AUH: variants seen among roughly 807,000 people sequenced by gnomAD.
The protein encoded by AUH is AU RNA binding methylglutaconyl-CoA hydratase, also known as methylglutaconyl-CoA hydratase, mitochondrial.
In AUH, 29 loss-of-function variants were observed where a neutral mutation model predicts 42.3. That is an observed-to-expected ratio of 0.69 (90% confidence interval 0.51 to 0.93). The LOEUF is 0.93. Among genes scored for constraint, AUH ranks in the 40% least tolerant of loss-of-function variants. AUH has a pLI of 0.00. For synonymous variants in AUH, 174 were observed against 166.4 expected, an observed-to-expected ratio of 1.05 and a Z score of -0.35; for missense variants, 452 against 438.1, an observed-to-expected ratio of 1.03 and a Z score of -0.28.
chr9:91,356,510 A>G (rs939845900), intron 1 of AUH, among the ~76,000 whole-genome samples: 3 of 152,138 alleles, frequency 2.0e-5, no homozygotes, highest in Admixed American at 6.5e-5. Context: ...CCAGTTGTTA[A>G]TATCTCCATT....
At chr9:91,333,110 T>C (rs1830449588) in intron 3 of AUH, among the ~76,000 whole-genome samples, 1 of 152,204 alleles carries the variant, frequency 6.6e-6, no homozygotes, top group Non-Finnish European at 1.5e-5. Flanking sequence ...GGAGGGGGTA[T>C]TACAAGAGAT....
intron 3 of AUH, among the ~76,000 whole-genome samples, chr9:91,341,571 A>G (rs1016903678): frequency 1.3e-5 from 2 of 152,246 alleles, no homozygotes; most frequent in Admixed American, 6.5e-5. Flanking sequence ...CCACCTACGC[A>G]TGCTCTGTAT....
chr9:91,259,531 G>GT (rs2131433315), intron 6 of AUH, among the ~76,000 whole-genome samples: 1 of 151,834 alleles, frequency 6.6e-6, no homozygotes, highest in African/African-American at 2.4e-5. Context: ...TAAGGTAAAA[G>GT]TTTAGATCAC....
At chr9:91,260,859 T>G (rs1340561819) in intron 6 of AUH, among the ~76,000 whole-genome samples, 1 of 152,220 alleles carries the variant, frequency 6.6e-6, no homozygotes, top group African/African-American at 2.4e-5. Context: ...TGTCTATTTC[T>G]GTGTCTTCAG....
intron 3 of AUH, among the ~76,000 whole-genome samples, chr9:91,352,249 T>C (rs1289756240): frequency 6.6e-6 from 1 of 152,102 alleles, no homozygotes; most frequent in Non-Finnish European, 1.5e-5. Flanking sequence ...CACTCCTGCA[T>C]GGGTGACAGG....
chr9:91,246,931 G>A (rs1295825557), intron 6 of AUH, among the ~76,000 whole-genome samples: 1 of 152,242 alleles, frequency 6.6e-6, no homozygotes, highest in Admixed American at 6.5e-5. Flanking sequence ...AGCCATGCCA[G>A]CAGCGGAGCC....
chr9:91,218,840 A>T (rs748614183), intron 7 of AUH: 52 of 985,442 alleles, frequency 5.3e-5, no homozygotes, highest in Non-Finnish European at 6.3e-5. Context: ...AAACATAAAA[A>T]TAAAGGTGAT....
intron 4 of AUH, among the ~76,000 whole-genome samples, chr9:91,301,349 T>A (rs1211335809): frequency 6.6e-6 from 1 of 152,228 alleles, no homozygotes; most frequent in Non-Finnish European, 1.5e-5. Flanking sequence ...GATAAATGCA[T>A]CTTTCTTATT....
chr9:91,284,822 G>C (rs1223927154), intron 6 of AUH, among the ~76,000 whole-genome samples: 1 of 152,180 alleles, frequency 6.6e-6, no homozygotes, highest in Admixed American at 6.6e-5. Flanking sequence ...AGGTGCTGGA[G>C]AGGATGTGGA....
chr9:91,260,235 G>A (rs1829637850), intron 6 of AUH, among the ~76,000 whole-genome samples: 1 of 152,122 alleles, frequency 6.6e-6, no homozygotes, highest in Admixed American at 6.6e-5. Flanking sequence ...TATGGTTAAA[G>A]TGTGTCTTTT....
At chr9:91,344,883 C>T (rs1831367698) in intron 3 of AUH, among the ~76,000 whole-genome samples, 2 of 152,002 alleles carry the variant, frequency 1.3e-5, no homozygotes, top group South Asian at 2.1e-4. Context: ...AGGTCTGTTC[C>T]AGGAATACAC....
At chr9:91,247,733 G>A (rs185187176) in intron 6 of AUH, among the ~76,000 whole-genome samples, 40 of 152,244 alleles carry the variant, frequency 2.6e-4, no homozygotes, top group Admixed American at 9.2e-4. Flanking sequence ...TTGTCTCATC[G>A]TGGTTTTAAT....
chr9:91,281,466 A>T (rs1376440179), intron 6 of AUH, among the ~76,000 whole-genome samples: 1 of 152,186 alleles, frequency 6.6e-6, no homozygotes, highest in Admixed American at 6.5e-5. Context: ...GCAGGAAAAA[A>T]ATGAATCCCA....
At chr9:91,260,997 A>C (rs1829678791) in intron 6 of AUH, among the ~76,000 whole-genome samples, 1 of 152,112 alleles carries the variant, frequency 6.6e-6, no homozygotes, top group African/African-American at 2.4e-5. Flanking sequence ...GACATCTCAA[A>C]TAGTTGTTTT....
chr9:91,325,325 G>C lies in AUH; in HGVS notation c.498C>G (p.Asn166Lys), dbSNP rs759687304. Residue 166 changes from asparagine (N) to lysine (K), a missense_variant, in exon 4 of 10, where the codon AAC becomes AAG. Asn to Lys is a moderately conservative substitution (Grantham distance 94, BLOSUM62 0). Transcript: ENST00000375731. The part of the protein sequence containing the change: ...PFVSKIRAVI[N>K]DIANLPVPTI... ...GAACTTAATAGTGCTTACCAATATCGTTAATCACTGCTCTTATTTTGGAGA... is the reference window on the plus strand; with the variant it reads ...GAACTTAATAGTGCTTACCAATATCCTTAATCACTGCTCTTATTTTGGAGA... The C allele has an allele frequency of 6.2e-7, 1 of 1,613,368 alleles. No individual in the cohort carries two copies. The highest frequency in any genetic ancestry group is 2.2e-5 in the East Asian group (1 of 44,790).
rs377351890 is a variant in AUH at position 91,304,915 on chromosome 9, G to A, written c.506-6839C>T. Among the ~76,000 whole-genome samples, 44 of 152,280 alleles carry A rather than the reference G, an allele frequency of 2.9e-4. 2 individuals carry two copies. In the South Asian group the frequency reaches 8.1e-3, roughly 28 times the overall value. The stretch of plus-strand genomic sequence containing the variant: ...TAAAATTATAGTAGTCTCCACTTAC[G>A]TGCAGTTTCACTTTTTGAGGTTTCA... On this transcript the variant is annotated intron_variant, in intron 4 of 9. Transcript: ENST00000375731.
intron 3 of AUH, among the ~76,000 whole-genome samples, chr9:91,340,198 T>A (rs1002510010): frequency 2.0e-5 from 3 of 152,188 alleles, no homozygotes; most frequent in African/African-American, 7.2e-5. Flanking sequence ...GCTGGACTGA[T>A]CCTCCAGGAC....
rs1239500510 is a variant in AUH at position 91,225,961 on chromosome 9, T to C, written c.656-4969A>G. Among the ~76,000 whole-genome samples, 8 of 149,622 alleles carry C rather than the reference T, an allele frequency of 5.3e-5. No individual in the cohort carries two copies. The East Asian group carries it at 5.9e-4, about 11-fold the overall frequency. ...AATCCAGTCTATCATTGTTGGACAT[T>C]TGGGTTGGTTCCAAGTCTTTGCTAT... is the stretch of plus-strand genomic sequence containing the variant. On this transcript the variant is annotated intron_variant, in intron 6 of 9. Coordinates refer to ENST00000375731, the MANE Select transcript of AUH (RefSeq NM_001698.3).
chr9:91,272,078 A>T (rs1246705684), intron 6 of AUH, among the ~76,000 whole-genome samples: 1 of 152,230 alleles, frequency 6.6e-6, no homozygotes, highest in Non-Finnish European at 1.5e-5. Flanking sequence ...TATGTTAAAT[A>T]AGGAAACACA....
Sources: gnomAD v4.1 joint callset for allele counts (sites outside exome capture counted in the v4.1 genomes callset) on GRCh38, gnomAD v4.1.1 for gene constraint, MANE v1.5 for transcripts, NCBI Gene and HGNC (gene_info 2026-07-23, HGNC 2026-07-21) for gene names.